The following RBMS3 variants were observed in gnomAD, a reference collection of about 807,000 sequenced individuals.
The protein encoded by RBMS3 is RNA-binding motif, single-stranded-interacting protein 3.
RBMS3 carries 27 observed loss-of-function variants against 66.8 expected under a neutral mutation model. The observed-to-expected ratio is 0.40, with a 90% CI of 0.30 to 0.56. The LOEUF is 0.56. Among genes scored for constraint, RBMS3 ranks in the 20% least tolerant of loss-of-function variants. RBMS3 has a pLI of 0.40. For missense variants in RBMS3, 513 were observed against 549.5 expected (o/e 0.93, Z 0.66); for synonymous variants, 188 against 183.0 (o/e 1.03, Z -0.22).
intron 1 of RBMS3, among the ~76,000 whole-genome samples, chr3:29,387,738 TAAAAAATACAAAATAAATAAATAAATAA>T (rs1322421468): frequency 1.3e-5 from 2 of 151,810 alleles, no homozygotes; most frequent in African/African-American, 4.8e-5. Flanking sequence ...CCGTCCCTAC[TAAAAAATACAAAATAAATAAATAAATAA>T]ATAAAATATA....
At chr3:29,491,717 G>A (rs969350192) in intron 3 of RBMS3, among the ~76,000 whole-genome samples, 22 of 152,336 alleles carry the variant, frequency 1.4e-4, no homozygotes, top group African/African-American at 5.1e-4. Context: ...GGTTAGGCCG[G>A]GCGCAGTGGC....
chr3:29,892,777 C>G (rs1577081823), intron 8 of RBMS3, among the ~76,000 whole-genome samples: 1 of 150,706 alleles, frequency 6.6e-6, no homozygotes, highest in Middle Eastern at 3.2e-3. Context: ...AGAAAGTTCC[C>G]CAGTAGCATG....
intron 1 of RBMS3, among the ~76,000 whole-genome samples, chr3:29,415,860 A>G (rs1280892985): frequency 6.6e-6 from 1 of 152,170 alleles, no homozygotes; most frequent in Non-Finnish European, 1.5e-5. Flanking sequence ...TCAAGTGAAT[A>G]TTCAAGGCAT....
chr3:29,729,259 G>T (rs1054414027), intron 4 of RBMS3, among the ~76,000 whole-genome samples: 5 of 150,466 alleles, frequency 3.3e-5, no homozygotes, highest in African/African-American at 9.7e-5. Context: ...TTCTGTTCCT[G>T]TGTTAGTTTG....
intron 1 of RBMS3, among the ~76,000 whole-genome samples, chr3:29,347,408 T>C (rs750212910): frequency 4.5e-4 from 68 of 152,324 alleles, no homozygotes; most frequent in Non-Finnish European, 7.3e-4. Context: ...CTAAAATTGA[T>C]AGAGGAAAGG....
intron 6 of RBMS3, among the ~76,000 whole-genome samples, chr3:29,863,044 T>A (rs190502418): frequency 1.3e-5 from 2 of 152,174 alleles, no homozygotes; most frequent in Non-Finnish European, 2.9e-5. Context: ...TCACCTATTC[T>A]ACTAATGTTT....
intron 1 of RBMS3, among the ~76,000 whole-genome samples, chr3:29,369,349 G>C (rs1195828126): frequency 6.6e-6 from 1 of 151,708 alleles, no homozygotes; most frequent in Non-Finnish European, 1.5e-5. Flanking sequence ...ATATTAGGTT[G>C]GTGCAAAAGC....
chr3:29,802,586 C>T (rs1401035619), intron 6 of RBMS3, among the ~76,000 whole-genome samples: 3 of 152,192 alleles, frequency 2.0e-5, no homozygotes, highest in Non-Finnish European at 2.9e-5. Flanking sequence ...CATGTGCCCA[C>T]GTGTCAATGA....
At chr3:29,471,892 A>T (rs905438258) in intron 2 of RBMS3, among the ~76,000 whole-genome samples, 1 of 151,996 alleles carries the variant, frequency 6.6e-6, no homozygotes, top group Non-Finnish European at 1.5e-5. Context: ...TTCTAAATTT[A>T]AAAAGATTTT....
intron 12 of RBMS3, among the ~76,000 whole-genome samples, chr3:29,955,544 G>A (rs1695978613): frequency 6.6e-6 from 1 of 152,026 alleles, no homozygotes; most frequent in South Asian, 2.1e-4. Flanking sequence ...AAAAAAAGCT[G>A]TTTTACCTGG....
At chr3:29,347,777 G>A (rs965445746) in intron 1 of RBMS3, among the ~76,000 whole-genome samples, 26 of 152,170 alleles carry the variant, frequency 1.7e-4, no homozygotes, top group South Asian at 8.3e-4. Flanking sequence ...AAAACTCGCC[G>A]TGGCAGCACC....
chr3:29,659,618 C>T (rs1472677566), intron 4 of RBMS3, among the ~76,000 whole-genome samples: 1 of 152,078 alleles, frequency 6.6e-6, no homozygotes, highest in Non-Finnish European at 1.5e-5. Flanking sequence ...TTCCCTTATC[C>T]ATTCATCAGT....
At chr3:29,545,302 T>C (rs1351433240) in intron 3 of RBMS3, among the ~76,000 whole-genome samples, 2 of 152,278 alleles carry the variant, frequency 1.3e-5, no homozygotes, top group Non-Finnish European at 2.9e-5. Flanking sequence ...ATTATACGAT[T>C]AGAAATAATT....
At position 29,998,253 on chromosome 3, in the gene RBMS3, A is replaced by G. The variant is rs1699380858; in HGVS notation, c.1308-5603A>G. Among the ~76,000 whole-genome samples, 6 of 152,332 alleles carry G rather than the reference A, an allele frequency of 3.9e-5. No homozygotes were observed. The South Asian group carries it at 1.2e-3, about 32-fold the overall frequency. On this transcript the variant is annotated intron_variant, in intron 14 of 14. Coordinates refer to ENST00000383767, the MANE Select transcript of RBMS3 (RefSeq NM_001003793.3). ...AAGGAGAACTACAAACCACTGCTCAATGAAATAAAAGAGGATACAAACAAA... is the reference window on the plus strand; with the variant it reads ...AAGGAGAACTACAAACCACTGCTCAGTGAAATAAAAGAGGATACAAACAAA...
At chr3:29,383,991 A>G (rs1282588497) in intron 1 of RBMS3, among the ~76,000 whole-genome samples, 2 of 152,194 alleles carry the variant, frequency 1.3e-5, no homozygotes, top group Non-Finnish European at 2.9e-5. Flanking sequence ...GAAATAAACC[A>G]TTACCTGAGG....
At chr3:29,522,043 A>G (rs1420508474) in intron 3 of RBMS3, among the ~76,000 whole-genome samples, 2 of 152,228 alleles carry the variant, frequency 1.3e-5, no homozygotes, top group African/African-American at 4.8e-5. Context: ...CTAGCATGCT[A>G]TAAAATTAGC....
At chr3:29,794,812 G>C (rs1461947185) in intron 6 of RBMS3, among the ~76,000 whole-genome samples, 1 of 152,162 alleles carries the variant, frequency 6.6e-6, no homozygotes, top group African/African-American at 2.4e-5. Context: ...CCGGTACACA[G>C]CTATCCACAG....
chr3:29,369,736 G>T (rs946394877), intron 1 of RBMS3, among the ~76,000 whole-genome samples: 5 of 152,020 alleles, frequency 3.3e-5, no homozygotes, highest in South Asian at 2.1e-4. Context: ...AACTAATGTG[G>T]AATAGATTAT....
At chr3:29,400,458 G>T (rs957587611) in intron 1 of RBMS3, among the ~76,000 whole-genome samples, 1 of 152,028 alleles carries the variant, frequency 6.6e-6, no homozygotes, top group Admixed American at 6.6e-5. Flanking sequence ...TGAGTAAAGA[G>T]TTGCGACTCA....
Sources: gnomAD v4.1 joint callset for allele counts (sites outside exome capture counted in the v4.1 genomes callset) on GRCh38, gnomAD v4.1.1 for gene constraint, MANE v1.5 for transcripts, NCBI Gene and HGNC (gene_info 2026-07-23, HGNC 2026-07-21) for gene names.